The following PSD2 variants were observed in gnomAD, a reference collection of about 807,000 sequenced individuals.
The protein encoded by PSD2 is pleckstrin and Sec7 domain containing 2.
A neutral mutation model predicts 69.8 loss-of-function variants in PSD2; 38 were observed. That is an observed-to-expected ratio of 0.54 (90% confidence interval 0.42 to 0.71). The LOEUF (loss-of-function observed/expected upper bound fraction) is 0.71. Ranked by LOEUF, PSD2 falls within the 30% of genes least tolerant of loss-of-function variation. The pLI is 0.00. For synonymous variants in PSD2, 412 were observed against 423.0 expected (o/e 0.97, Z 0.32); for missense variants, 943 against 1,014.5 (o/e 0.93, Z 0.96).
the PSD2 span, among the ~76,000 whole-genome samples, chr5:139,761,924 C>T: frequency 1.3e-5 from 2 of 152,182 alleles, no homozygotes; most frequent in Non-Finnish European, 2.9e-5. Flanking sequence ...GTACCTCATC[C>T]CAACCATGAG....
At chr5:139,749,833 AAAAC>A in the PSD2 span, among the ~76,000 whole-genome samples, 3 of 110,846 alleles carry the variant, frequency 2.7e-5, no homozygotes, top group East Asian at 2.3e-4. Context: ...CCATCTCTAC[AAAAC>A]AAACAAACAA....
the PSD2 span, among the ~76,000 whole-genome samples, chr5:139,765,621 G>C: frequency 4.6e-5 from 7 of 152,256 alleles, no homozygotes; most frequent in African/African-American, 1.7e-4. Flanking sequence ...CGCAGTGCTC[G>C]CAGCGGCCAG....
At chr5:139,809,345 C>A in intron 1 of PSD2, 46 bp from the exon 2 acceptor site, 2 of 1,451,662 alleles carry the variant, frequency 1.4e-6, no homozygotes, top group Non-Finnish European at 1.9e-6. Flanking sequence ...TGCCCCCCAG[C>A]CCCAGTCCTG....
intron 5 of PSD2, among the ~76,000 whole-genome samples, chr5:139,819,939 T>A (rs1305813710): frequency 1.3e-5 from 2 of 152,202 alleles, no homozygotes; most frequent in African/African-American, 4.8e-5. Context: ...AGGTACTGGC[T>A]GCAAAGCAAC....
upstream of PSD2, among the ~76,000 whole-genome samples, chr5:139,793,342 T>G (rs770339421): frequency 7.2e-5 from 11 of 152,186 alleles, no homozygotes; most frequent in Non-Finnish European, 1.5e-4. Flanking sequence ...CACACAGAGC[T>G]CACCTGTGGC....
In PSD2 at chr5:139,840,151, A is replaced by C. The variant is rs758211244; in HGVS notation, c.2093A>C (p.Glu698Ala). Reference protein sequence around the residue: ...SKEAEEYRLKEHYLTFEKSRY... With the variant: ...SKEAEEYRLKAHYLTFEKSRY... ...GAGGCCGAGGAGTACCGGTTGAAGG[A>C]GCACTATCTCACCTTCGAGGTGAGC... The change falls in exon 14 of 15, where the codon GAG becomes GCG. Residue 698 changes from glutamate (E) to alanine (A), a missense_variant. Glu to Ala is a moderately radical substitution (Grantham distance 107, BLOSUM62 -1). Around this residue, in one of 3 missense-constraint regions of PSD2, gnomAD observed 165 missense variants for 168.8 expected, o/e 0.98. Transcript: ENST00000274710. 1.9e-6 allele frequency: 3 copies of C among 1,614,156 alleles called. No individual in the cohort carries two copies. The Admixed American group carries it at 5.0e-5, about 27-fold the overall frequency.
At chr5:139,805,507 A>G (rs1759782156) in intron 1 of PSD2, among the ~76,000 whole-genome samples, 1 of 152,172 alleles carries the variant, frequency 6.6e-6, no homozygotes, top group Admixed American at 6.5e-5. Flanking sequence ...CCCTCACTGA[A>G]CTTACATCCT....
intron 5 of PSD2, among the ~76,000 whole-genome samples, chr5:139,820,557 G>T (rs892629201): frequency 6.6e-6 from 1 of 152,178 alleles, no homozygotes; most frequent in Non-Finnish European, 1.5e-5. Flanking sequence ...GAGGTGGCAT[G>T]AGAGAGGGTA....
intron 7 of PSD2, among the ~76,000 whole-genome samples, chr5:139,832,484 A>G (rs1760619602): frequency 6.6e-6 from 1 of 152,256 alleles, no homozygotes; most frequent in Non-Finnish European, 1.5e-5. Flanking sequence ...GTCCCACATG[A>G]TGCTAATAGA....
intron 1 of PSD2, among the ~76,000 whole-genome samples, chr5:139,798,515 G>A (rs1369258249): frequency 6.6e-6 from 1 of 152,068 alleles, no homozygotes; most frequent in Admixed American, 6.6e-5. Flanking sequence ...TCTTTGGAAC[G>A]TCTCCCTCCA....
rs140150416 is a variant in PSD2, at chr5:139,803,309, C to T, written c.-50-6082C>T. On this transcript the variant is annotated intron_variant, in intron 1 of 14. Coordinates refer to ENST00000274710, the MANE Select transcript of PSD2 (RefSeq NM_032289.4). ...GCCTCAGAACTTGCTCTGACAGCTG[C>T]CAAGGACGCATATCCAATGGGTGCT... Among the ~76,000 whole-genome samples, 1,207 of 152,354 alleles carry T rather than the reference C, an allele frequency of 7.9e-3. 12 individuals carry two copies. Among genetic ancestry groups the T allele is most frequent in the Non-Finnish European group, 0.01 (682 of 68,026 alleles).
At position 139,843,668 on chromosome 5, in the gene PSD2, C is replaced by A. The variant is rs983101739; in HGVS notation, c.*1194C>A. 1 of 152,254 alleles carries A rather than the reference C, an allele frequency of 6.6e-6. No homozygotes were observed. The highest frequency in any genetic ancestry group is 1.5e-5 in the Non-Finnish European group (1 of 68,050). The allele number at this position is 152,254 out of a possible 1,614,324, so 9.4% of individuals were successfully genotyped here. ...CAAGTTATTGATTGTTTTTCTGTCGCTATTTCTTTCATTTGTCTAGTGAAT... is the reference window on the plus strand; with the variant it reads ...CAAGTTATTGATTGTTTTTCTGTCGATATTTCTTTCATTTGTCTAGTGAAT... On this transcript the variant is annotated 3_prime_UTR_variant, in exon 15 of 15. Coordinates refer to ENST00000274710, the MANE Select transcript of PSD2 (RefSeq NM_032289.4).
chr5:139,842,535 A>G lies in PSD2; in HGVS notation c.*61A>G, dbSNP rs377737072. On this transcript the variant is annotated 3_prime_UTR_variant, in exon 15 of 15. Transcript: ENST00000274710. ...GTCTCCAGTGGGGTCAGTGAGCACA[A>G]TTCCAGCCAGGGGCCACTTGGACCA... 1.3e-6 allele frequency: 2 copies of G among 1,510,908 alleles called. No homozygotes were observed. Among genetic ancestry groups the G allele is most frequent in the South Asian group, 1.1e-5 (1 of 87,094 alleles). The allele number at this position is 1,510,908 out of a possible 1,614,324, so 93.6% of individuals were successfully genotyped here.
chr5:139,771,213 C>G, the PSD2 span, among the ~76,000 whole-genome samples: 1 of 152,192 alleles, frequency 6.6e-6, no homozygotes, highest in Non-Finnish European at 1.5e-5. Flanking sequence ...TTGTGACTGG[C>G]CCGGGTGGCG....
At chr5:139,782,785 G>T in the PSD2 span, among the ~76,000 whole-genome samples, 1 of 152,144 alleles carries the variant, frequency 6.6e-6, no homozygotes, top group East Asian at 1.9e-4. Context: ...GAGCCACTGT[G>T]CCCAGCCCTG....
Position 139,813,415 on chromosome 5 carries a change from TC to T in PSD2, c.481del (p.Leu161Ter). ...GGGCACCCAGTACAGCAGCCTCGACTCCCTAGACGGGCTGAGCCTCACGGAT... is the reference window on the plus strand; with the variant it reads ...GGGCACCCAGTACAGCAGCCTCGACTCCTAGACGGGCTGAGCCTCACGGAT... ...LRGTQYSSLD[S>X]LDGLSLTDES... On this transcript the variant is annotated frameshift_variant, in exon 3 of 15. Coordinates refer to ENST00000274710, the MANE Select transcript of PSD2 (RefSeq NM_032289.4). LOFTEE classifies it high-confidence loss of function. 6.2e-7 allele frequency: 1 copy of T among 1,613,616 alleles called. No homozygotes were observed. The highest frequency in any genetic ancestry group is 8.5e-7 in the Non-Finnish European group (1 of 1,179,572).
chr5:139,762,298 C>T, the PSD2 span, among the ~76,000 whole-genome samples: 1 of 151,702 alleles, frequency 6.6e-6, no homozygotes, highest in Admixed American at 6.6e-5. Context: ...CTGCCTTGGC[C>T]TCCCGAAGTG....
intron 8 of PSD2, among the ~76,000 whole-genome samples, chr5:139,835,520 G>C (rs1269336786): frequency 6.6e-6 from 1 of 152,108 alleles, no homozygotes; most frequent in Non-Finnish European, 1.5e-5. Flanking sequence ...TTGACATTAA[G>C]TGATCACATA....
chr5:139,836,675 C>A (rs1162844745), intron 9 of PSD2, 136 bp from the exon 10 acceptor site: 2 of 699,338 alleles, frequency 2.9e-6, no homozygotes, highest in Non-Finnish European at 4.9e-6. Flanking sequence ...GAATTGGAAT[C>A]TCTTCATCTC....
Sources: allele counts gnomAD v4.1 joint callset (sites outside exome capture counted in the v4.1 genomes callset), GRCh38; gene constraint gnomAD v4.1.1; regional missense constraint gnomAD v4.1.1; transcripts MANE v1.5; gene names NCBI Gene and HGNC (gene_info 2026-07-23, HGNC 2026-07-21).